HS1BP3: variants seen among roughly 807,000 people sequenced by gnomAD.
HS1BP3 encodes the protein HCLS1-binding protein 3.
A neutral mutation model predicts 33.5 loss-of-function variants in HS1BP3; 32 were observed. The observed-to-expected ratio is 0.95, with a 90% CI of 0.72 to 1.28. The LOEUF (loss-of-function observed/expected upper bound fraction) is 1.28. HS1BP3 is among the 50% of genes most tolerant of loss of function. The probability of loss-of-function intolerance (pLI) is 0.00; values close to 1 mark genes in which losing one functional copy is unlikely to be tolerated. For synonymous variants in HS1BP3, 187 were observed against 209.2 expected (o/e 0.89, Z 0.92); for missense variants, 486 against 502.3 (o/e 0.97, Z 0.31).
At chr2:20,562,220 T>C (rs573279948) in intron 5 of HS1BP3, among the ~76,000 whole-genome samples, 1 of 152,282 alleles carries the variant, frequency 6.6e-6, no homozygotes, top group Admixed American at 6.5e-5. Context: ...GGCTCACACC[T>C]GTAACCCCAG....
At chr2:20,554,460 T>C in the HS1BP3 span, among the ~76,000 whole-genome samples, 1 of 152,194 alleles carries the variant, frequency 6.6e-6, no homozygotes, top group African/African-American at 2.4e-5. Flanking sequence ...CGGTGGCTGA[T>C]GCCTGTAATC....
chr2:20,605,749 G>A (rs757316250), intron 2 of HS1BP3, among the ~76,000 whole-genome samples: 3 of 152,196 alleles, frequency 2.0e-5, no homozygotes, highest in Non-Finnish European at 2.9e-5. Flanking sequence ...ATGTCCTAGT[G>A]TGTGTCAGCA....
At chr2:20,631,072 C>T (rs573651378) in intron 4 of HS1BP3, among the ~76,000 whole-genome samples, 1 of 152,288 alleles carries the variant, frequency 6.6e-6, no homozygotes, top group South Asian at 2.1e-4. Context: ...GCAAATGACA[C>T]AGAAATGCTT....
chr2:20,634,532 C>G (rs2149297819), intron 4 of HS1BP3, among the ~76,000 whole-genome samples: 1 of 152,310 alleles, frequency 6.6e-6, no homozygotes, highest in Middle Eastern at 3.4e-3. Flanking sequence ...AAGAGGCACC[C>G]TCGGGGAAGC....
At chr2:20,601,607 G>A (rs912786208) in intron 2 of HS1BP3, among the ~76,000 whole-genome samples, 5 of 151,960 alleles carry the variant, frequency 3.3e-5, no homozygotes, top group Non-Finnish European at 7.4e-5. Context: ...TTTTATAAAC[G>A]GAAATTTTCC....
intron 5 of HS1BP3, among the ~76,000 whole-genome samples, chr2:20,579,656 G>T (rs1439101857): frequency 5.9e-5 from 9 of 152,138 alleles, no homozygotes; most frequent in African/African-American, 1.9e-4. Context: ...GAGCTGCCTG[G>T]GACCCTGTGA....
At chr2:20,622,103 C>G in intron 6 of HS1BP3, 2 of 1,024,512 alleles carry the variant, frequency 2.0e-6, no homozygotes, top group South Asian at 1.6e-5. Context: ...AGCCTCGACC[C>G]GCTCAGTGTA....
chr2:20,619,348 G>A (rs1648786884), intron 6 of HS1BP3, 103 bp from the exon 7 acceptor site: 2 of 1,051,742 alleles, frequency 1.9e-6, no homozygotes, highest in Non-Finnish European at 2.7e-6. Context: ...GGCAGCGGCA[G>A]GGAGCCCAGC....
intron 5 of HS1BP3, among the ~76,000 whole-genome samples, chr2:20,563,583 C>T (rs1693054818): frequency 6.6e-6 from 1 of 152,184 alleles, no homozygotes; most frequent in African/African-American, 2.4e-5. Flanking sequence ...CCTCCTATCA[C>T]AGGCTTATGC....
At chr2:20,594,252 G>A (rs1477348314) in intron 3 of HS1BP3, among the ~76,000 whole-genome samples, 2 of 152,114 alleles carry the variant, frequency 1.3e-5, no homozygotes, top group East Asian at 1.9e-4. Flanking sequence ...GGGCCCAGGT[G>A]TGCTAAGGCT....
At chr2:20,608,597 G>C (rs201152940) in intron 2 of HS1BP3, among the ~76,000 whole-genome samples, 7 of 123,822 alleles carry the variant, frequency 5.7e-5, no homozygotes, top group Admixed American at 4.1e-4. Context: ...AAAAAAAAAA[G>C]AAGTAGCAGA....
rs77350326 is a variant in HS1BP3 at position 20,625,608 on chromosome 2, C to G, written c.624-716G>C. Among the ~76,000 whole-genome samples, 1,072 of 152,308 alleles carry G rather than the reference C, an allele frequency of 7.0e-3. 18 individuals carry two copies. Among genetic ancestry groups the G allele is most frequent in the African/African-American group, 0.024 (1,004 of 41,550 alleles). On this transcript the variant is annotated intron_variant, in intron 4 of 6. Transcript: ENST00000304031. ...ACACTTGGGTTCTGTGGAGCAGCCC[C>G]CCTCTTTCAGGAAGCCTCTCTGGGA...
At chr2:20,594,604 G>T (rs1294945118) in intron 3 of HS1BP3, among the ~76,000 whole-genome samples, 2 of 152,200 alleles carry the variant, frequency 1.3e-5, no homozygotes, top group African/African-American at 4.8e-5. Context: ...CAGCAACAAG[G>T]CCAGCCTCTA....
intron 6 of HS1BP3, chr2:20,622,155 T>C (rs1694621028): frequency 1.6e-6 from 2 of 1,266,248 alleles, no homozygotes; most frequent in Non-Finnish European, 2.1e-6. Flanking sequence ...AGTGACAGAA[T>C]GAACGAAGGG....
downstream of HS1BP3, chr2:20,592,573 A>T (rs1281576305): frequency 6.2e-6 from 1 of 161,068 alleles, no homozygotes; most frequent in Non-Finnish European, 1.5e-5. Context: ...GGGCAGTCAT[A>T]GCAAATGACC....
At chr2:20,605,395 A>G (rs1694153701) in intron 2 of HS1BP3, among the ~76,000 whole-genome samples, 1 of 152,080 alleles carries the variant, frequency 6.6e-6, no homozygotes, top group African/African-American at 2.4e-5. Context: ...TTTTGTTCCC[A>G]TCATGTCCTA....
At position 20,645,364 on chromosome 2, in the gene HS1BP3, C is replaced by A; in HGVS notation, c.174G>T (p.Arg58Ser). 1 of 1,613,908 alleles carries A rather than the reference C, an allele frequency of 6.2e-7. No individual in the cohort carries two copies. The highest frequency in any genetic ancestry group is 8.5e-7 in the Non-Finnish European group (1 of 1,179,930). ...CCAAGAACTGGACGACATCCTCGGG[C>A]CTGTGCTTGGCCGACTTGAACGCAG... ...RLAAFKSAKHRPEDVVQFLVS... is the reference protein window; with the variant it reads ...RLAAFKSAKHSPEDVVQFLVS... Residue 58 changes from arginine to serine, a missense_variant, in exon 2 of 7, where the codon AGG (arginine) becomes AGT (serine). Physicochemically the swap from Arg to Ser is moderately radical, Grantham distance 110 (BLOSUM62 -1). Coordinates refer to ENST00000304031, the MANE Select transcript of HS1BP3 (RefSeq NM_022460.4).
At chr2:20,622,071 CCAGAAGGAACAAAGCCTTCTTAGCCTCG>C in intron 6 of HS1BP3, 2 of 652,352 alleles carry the variant, frequency 3.1e-6, no homozygotes, top group Non-Finnish European at 2.1e-6. Context: ...GGCTGCACAG[CCAGAAGGAACAAAGCCTTCTTAGCCTCG>C]ACCCGCTCAG....
chr2:20,568,978 T>G (rs1331188042), intron 5 of HS1BP3, among the ~76,000 whole-genome samples: 1 of 152,170 alleles, frequency 6.6e-6, no homozygotes, highest in Non-Finnish European at 1.5e-5. Flanking sequence ...GAGGTCCCAG[T>G]GGGCTGGAGA....
Sources: allele counts gnomAD v4.1 joint callset (sites outside exome capture counted in the v4.1 genomes callset), GRCh38; gene constraint gnomAD v4.1.1; transcripts MANE v1.5; gene names NCBI Gene and HGNC (gene_info 2026-07-23, HGNC 2026-07-21).